The following SC5D variants were observed in gnomAD, a reference collection of about 807,000 sequenced individuals.
SC5D encodes the protein sterol-C5-desaturase.
SC5D carries 21 observed loss-of-function variants against 23.9 expected under a neutral mutation model. The observed-to-expected ratio is 0.88, with a 90% confidence interval of 0.62 to 1.26. SC5D has a LOEUF of 1.26. Among genes scored for constraint, SC5D ranks in the 50% most tolerant of loss-of-function variants. The probability of loss-of-function intolerance (pLI) is 0.00; values close to 1 mark genes in which losing one functional copy is unlikely to be tolerated. For synonymous variants in SC5D, 113 were observed against 125.9 expected (o/e 0.90, Z 0.68); for missense variants, 309 against 364.8 (o/e 0.85, Z 1.25).
At chr11:121,293,735 A>G (rs1947869204) in intron 1 of SC5D, among the ~76,000 whole-genome samples, 1 of 152,230 alleles carries the variant, frequency 6.6e-6, no homozygotes, top group African/African-American at 2.4e-5. Flanking sequence ...TACCTAGTAA[A>G]TAATAACTGA....
At position 121,308,457 on chromosome 11, in the gene SC5D, C is replaced by A. The variant is rs1304041145; in HGVS notation, c.*945C>A. On this transcript the variant is annotated 3_prime_UTR_variant, in exon 5 of 5. Coordinates refer to ENST00000264027, the MANE Select transcript of SC5D (RefSeq NM_006918.5). ...CTAGGCCCATTGCTGACGATTAGTT[C>A]TAAAATCTTATTCCTCCTCTTCTCC... 1 of 152,178 alleles carries A rather than the reference C, an allele frequency of 6.6e-6. No individual in the cohort carries two copies. The highest frequency in any genetic ancestry group is 1.5e-5 in the Non-Finnish European group (1 of 68,008). The allele number at this position is 152,178 out of a possible 1,614,324, so 9.4% of individuals were successfully genotyped here.
intron 1 of SC5D, among the ~76,000 whole-genome samples, chr11:121,299,021 C>T (rs571040932): frequency 6.6e-6 from 1 of 152,312 alleles, no homozygotes; most frequent in African/African-American, 2.4e-5. Flanking sequence ...TCAGTTGCTT[C>T]AGGCCATCTG....
intron 2 of SC5D, 200 bp downstream of exon 2, chr11:121,303,785 A>G (rs1333935321): frequency 1.8e-6 from 1 of 560,012 alleles, no homozygotes; most frequent in East Asian, 3.1e-5. Context: ...ACTTTTTAAT[A>G]AAACTATAAG....
rs1295690943 is a variant in SC5D at position 121,311,219 on chromosome 11, G to A, written c.*3707G>A. Among the ~76,000 whole-genome samples, 2 of 152,210 alleles carry A rather than the reference G, an allele frequency of 1.3e-5. No homozygotes were observed. The highest frequency in any genetic ancestry group is 2.9e-5 in the Non-Finnish European group (2 of 68,030). ...AATTTATTAATAAAATGGCAGAAAT[G>A]TCATTCTCTTCCATATATGTTTAAT... On this transcript the variant is annotated 3_prime_UTR_variant, in exon 5 of 5. Transcript: ENST00000264027.
At position 121,310,026 on chromosome 11, in the gene SC5D, T is replaced by G. The variant is rs976092070; in HGVS notation, c.*2514T>G. On this transcript the variant is annotated 3_prime_UTR_variant, in exon 5 of 5. Coordinates refer to ENST00000264027, the MANE Select transcript of SC5D (RefSeq NM_006918.5). ...TACTGAGTGAATTTCCTTATACCCTTGTATCATGTTTTCCTCCCATCTTCT... is the reference window on the plus strand; with the variant it reads ...TACTGAGTGAATTTCCTTATACCCTGGTATCATGTTTTCCTCCCATCTTCT... 2.6e-5 allele frequency among the ~76,000 whole-genome samples: 4 copies of G among 152,208 alleles called. No individual in the cohort carries two copies. Among genetic ancestry groups the G allele is most frequent in the Non-Finnish European group, 2.9e-5 (2 of 68,030 alleles).
At chr11:121,296,557 A>G (rs1194971145) in intron 1 of SC5D, among the ~76,000 whole-genome samples, 3 of 152,188 alleles carry the variant, frequency 2.0e-5, no homozygotes, top group Non-Finnish European at 4.4e-5. Flanking sequence ...CCATAAGCTG[A>G]GGTAGTTGTG....
At chr11:121,294,146 C>CTGAGTTTT (rs1947873048) in intron 1 of SC5D, among the ~76,000 whole-genome samples, 1 of 152,160 alleles carries the variant, frequency 6.6e-6, no homozygotes, top group Admixed American at 6.5e-5. Context: ...GTTATTATAA[C>CTGAGTTTT]TGAGTTTTAA....
chr11:121,301,172 A>C (rs970251959), intron 1 of SC5D, among the ~76,000 whole-genome samples: 1 of 152,232 alleles, frequency 6.6e-6, no homozygotes, highest in Non-Finnish European at 1.5e-5. Context: ...CAGATGTTGG[A>C]CTTACAAGGC....
rs1048889962 is a variant in SC5D at position 121,308,949 on chromosome 11, G to A, written c.*1437G>A. On this transcript the variant is annotated 3_prime_UTR_variant, in exon 5 of 5. Coordinates refer to ENST00000264027, the MANE Select transcript of SC5D (RefSeq NM_006918.5). ...AATTAGCATTTTGTAATAGGCAAAT[G>A]TCATTTAGTGCTTTTCACCAATCCC... is the stretch of plus-strand genomic sequence containing the variant. Among the ~76,000 whole-genome samples, 1 of 152,244 alleles carries A rather than the reference G, an allele frequency of 6.6e-6. No homozygotes were observed. The highest frequency in any genetic ancestry group is 6.5e-5 in the Admixed American group (1 of 15,292).
rs1258971332 is a variant in SC5D at position 121,312,392 on chromosome 11, ATTTC to A, written c.*4884_*4887del. Among the ~76,000 whole-genome samples the A allele has an allele frequency of 1.3e-5, 2 of 152,310 alleles. No homozygotes were observed. Among genetic ancestry groups the A allele is most frequent in the East Asian group, 1.9e-4 (1 of 5,194 alleles). On this transcript the variant is annotated 3_prime_UTR_variant, in exon 5 of 5. Transcript: ENST00000264027. ...GATAAAAATGAGAAATTACATTCCC[ATTTC>A]TTTAACAATTTGTAAATTCCAATTA... is the stretch of plus-strand genomic sequence containing the variant.
At chr11:121,303,900 A>T in intron 2 of SC5D, 1 of 277,426 alleles carries the variant, frequency 3.6e-6, no homozygotes, top group Non-Finnish European at 6.8e-6. Context: ...TATGATTTTC[A>T]CAAACTGAAA....
intron 1 of SC5D, among the ~76,000 whole-genome samples, chr11:121,293,411 A>G (rs1947866056): frequency 6.6e-6 from 1 of 152,224 alleles, no homozygotes; most frequent in South Asian, 2.1e-4. Flanking sequence ...CGGTATCAGA[A>G]CTCCTGACCA....
At chr11:121,306,914 G>A (rs1171043525) in intron 4 of SC5D, 143 bp from the exon 5 acceptor site, 11 of 780,030 alleles carry the variant, frequency 1.4e-5, no homozygotes, top group Middle Eastern at 2.3e-4. Flanking sequence ...GTTTTAGGGC[G>A]AAGAAGGACA....
In SC5D at chr11:121,304,501, A is replaced by G. The variant is rs1478237820; in HGVS notation, c.343+8A>G. On this transcript the variant is annotated splice_region_variant and intron_variant, in intron 3 of 4. Coordinates refer to ENST00000264027, the MANE Select transcript of SC5D (RefSeq NM_006918.5). ...TAGGAGAGTTTCCATATGGTAAGTA[A>G]ATAACACGAGTGTCAGGAAGAGAGT... 3.1e-6 allele frequency: 5 copies of G among 1,613,182 alleles called. No individual in the cohort carries two copies. The highest frequency in any genetic ancestry group is 4.2e-6 in the Non-Finnish European group (5 of 1,179,248).
chr11:121,307,270 C>G lies in SC5D; in HGVS notation c.658C>G (p.Gln220Glu), dbSNP rs1262313527. The change falls in exon 5 of 5, where the codon CAG becomes GAG. Residue 220 changes from glutamine to glutamate, a missense_variant. Physicochemically the swap from Gln to Glu is conservative, Grantham distance 29. Transcript: ENST00000264027. ...TGATTTTCGTGTCCCCCAAATCTTA[C>G]AGCCATTTATTAATGGCTCAGCTCA... ...DGDFRVPQIL[Q>E]PFINGSAHHT... 3 of 1,613,904 alleles carry G rather than the reference C, an allele frequency of 1.9e-6. No homozygotes were observed. Among genetic ancestry groups the G allele is most frequent in the African/African-American group, 2.7e-5 (2 of 74,928 alleles).
Position 121,313,315 on chromosome 11 carries a change from A to G in SC5D, c.*5803A>G, listed in dbSNP as rs182306907. 2.2e-4 allele frequency among the ~76,000 whole-genome samples: 34 copies of G among 152,322 alleles called. No homozygotes were observed. Among genetic ancestry groups the G allele is most frequent in the Admixed American group, 2.2e-3 (33 of 15,306 alleles). Reference sequence around the variant, plus strand: ...TTGCTGAATAGTATTTCATTGTAATATACCACAGTTGGTTTATGTATTTGC... The same window carrying G: ...TTGCTGAATAGTATTTCATTGTAATGTACCACAGTTGGTTTATGTATTTGC... On this transcript the variant is annotated 3_prime_UTR_variant, in exon 5 of 5. Coordinates refer to ENST00000264027, the MANE Select transcript of SC5D (RefSeq NM_006918.5).
chr11:121,303,400 G>A lies in SC5D; in HGVS notation c.25G>A (p.Asp9Asn), dbSNP rs1947939167. 2 of 1,613,848 alleles carry A rather than the reference G, an allele frequency of 1.2e-6. No individual in the cohort carries two copies. Among genetic ancestry groups the A allele is most frequent in the Admixed American group, 1.7e-5 (1 of 59,990 alleles). Residue 9 changes from aspartate to asparagine, a missense_variant, in exon 2 of 5, where the codon GAT becomes AAT. Coordinates refer to ENST00000264027, the MANE Select transcript of SC5D (RefSeq NM_006918.5). MDLVLRVA[D>N]YYFFTPYVYP... ...GATGGATCTTGTACTCCGTGTTGCA[G>A]ATTACTATTTTTTTACACCATACGT...
chr11:121,299,021 C>G (rs571040932), intron 1 of SC5D, among the ~76,000 whole-genome samples: 1 of 152,312 alleles, frequency 6.6e-6, no homozygotes. Context: ...TCAGTTGCTT[C>G]AGGCCATCTG....
intron 3 of SC5D, chr11:121,305,332 G>A (rs1163861397): frequency 6.6e-6 from 1 of 151,610 alleles, no homozygotes; most frequent in Non-Finnish European, 1.5e-5. Context: ...TCCTTTTATA[G>A]GTGAGTCAAT....
Sources: gnomAD v4.1 joint callset for allele counts (sites outside exome capture counted in the v4.1 genomes callset) on GRCh38, gnomAD v4.1.1 for gene constraint, MANE v1.5 for transcripts, NCBI Gene and HGNC (gene_info 2026-07-23, HGNC 2026-07-21) for gene names.